Variants in PCDH9 observed in about 807,000 individuals in gnomAD.
PCDH9 encodes the protein protocadherin 9.
A neutral mutation model predicts 70.6 loss-of-function variants in PCDH9; 24 were observed. The observed-to-expected ratio is 0.34, with a 90% CI of 0.25 to 0.48. The LOEUF (loss-of-function observed/expected upper bound fraction) is 0.48, where lower values mean the gene tolerates loss of function less well. Among genes scored for constraint, PCDH9 ranks in the 20% least tolerant of loss-of-function variants. The pLI is 0.99. For missense variants in PCDH9, 1,281 were observed against 1,503.6 expected (o/e 0.85, Z 2.45); for synonymous variants, 562 against 558.5 (o/e 1.01, Z -0.09).
chr13:67,009,209 G>T (rs761599768), intron 2 of PCDH9, among the ~76,000 whole-genome samples: 6 of 151,954 alleles, frequency 3.9e-5, no homozygotes, highest in Non-Finnish European at 7.4e-5. Flanking sequence ...TCTAGAATTT[G>T]CCTTCCCAAC....
At chr13:66,472,991 A>G (rs1471201945) in intron 4 of PCDH9, among the ~76,000 whole-genome samples, 2 of 139,560 alleles carry the variant, frequency 1.4e-5, no homozygotes, top group African/African-American at 5.3e-5. Context: ...GTGATAACTA[A>G]CATGTAAAAC....
intron 3 of PCDH9, among the ~76,000 whole-genome samples, chr13:66,771,290 T>A (rs2079802783): frequency 6.6e-6 from 1 of 152,182 alleles, no homozygotes; most frequent in Admixed American, 6.5e-5. Flanking sequence ...TAGCTTTAGA[T>A]CTATAGGAGA....
At chr13:67,091,385 A>G (rs1313476464) in intron 2 of PCDH9, among the ~76,000 whole-genome samples, 1 of 152,200 alleles carries the variant, frequency 6.6e-6, no homozygotes, top group Non-Finnish European at 1.5e-5. Flanking sequence ...ATTTTGTCAT[A>G]AATTACAAAA....
chr13:66,523,119 T>G (rs1465960862), intron 4 of PCDH9, among the ~76,000 whole-genome samples: 1 of 152,064 alleles, frequency 6.6e-6, no homozygotes, highest in Non-Finnish European at 1.5e-5. Flanking sequence ...CAAGAAAGAA[T>G]CATCAGCATT....
intron 2 of PCDH9, among the ~76,000 whole-genome samples, chr13:67,011,314 T>G (rs941971076): frequency 1.3e-5 from 2 of 151,874 alleles, no homozygotes; most frequent in African/African-American, 4.8e-5. Flanking sequence ...ACAAAAACAT[T>G]ATTCAAATAG....
chr13:66,808,894 T>C (rs1185465333), intron 3 of PCDH9, among the ~76,000 whole-genome samples: 1 of 152,184 alleles, frequency 6.6e-6, no homozygotes, highest in East Asian at 1.9e-4. Context: ...TGTATGTACA[T>C]TATATTTTGA....
At chr13:66,692,724 T>C (rs140801741) in intron 3 of PCDH9, among the ~76,000 whole-genome samples, 403 of 152,184 alleles carry the variant, frequency 2.6e-3, no homozygotes, top group African/African-American at 8.8e-3. Flanking sequence ...TTTAGATTAC[T>C]TTTAATTTTG....
intron 3 of PCDH9, among the ~76,000 whole-genome samples, chr13:66,776,719 G>T (rs985843272): frequency 2.0e-5 from 3 of 151,892 alleles, no homozygotes; most frequent in African/African-American, 7.3e-5. Context: ...GTAATTTACA[G>T]ATTCAATGCC....
chr13:66,822,668 A>G (rs1331793626), intron 3 of PCDH9, among the ~76,000 whole-genome samples: 1 of 151,624 alleles, frequency 6.6e-6, no homozygotes, highest in East Asian at 1.9e-4. Flanking sequence ...TGGGATTACA[A>G]GCATGCGCCA....
At chr13:66,510,812 A>G (rs1363259982) in intron 4 of PCDH9, among the ~76,000 whole-genome samples, 2 of 152,230 alleles carry the variant, frequency 1.3e-5, no homozygotes, top group Non-Finnish European at 2.9e-5. Context: ...TAGTGCCACA[A>G]TAAACATACG....
At chr13:66,529,007 A>G (rs916329150) in intron 4 of PCDH9, among the ~76,000 whole-genome samples, 5 of 152,104 alleles carry the variant, frequency 3.3e-5, no homozygotes. Flanking sequence ...GCAAAGTCTT[A>G]TGGAGATTGA....
chr13:66,516,636 T>A (rs1170852605), intron 4 of PCDH9, among the ~76,000 whole-genome samples: 3 of 152,084 alleles, frequency 2.0e-5, no homozygotes, highest in Admixed American at 1.3e-4. Context: ...TTAGAGACTA[T>A]CAACTATCTT....
chr13:66,663,409 C>T (rs1345719474), intron 3 of PCDH9, among the ~76,000 whole-genome samples: 6 of 152,064 alleles, frequency 3.9e-5, no homozygotes, highest in South Asian at 2.1e-4. Context: ...TAGCACTTTC[C>T]GAGAAGGCCT....
At chr13:66,532,272 C>T (rs950065586) in intron 4 of PCDH9, among the ~76,000 whole-genome samples, 6 of 151,976 alleles carry the variant, frequency 3.9e-5, no homozygotes, top group Middle Eastern at 3.4e-3. Context: ...CCAAAGTGTC[C>T]GGATGATGGG....
chr13:66,540,930 G>C (rs899002063), intron 4 of PCDH9, among the ~76,000 whole-genome samples: 1 of 152,060 alleles, frequency 6.6e-6, no homozygotes, highest in African/African-American at 2.4e-5. Context: ...TGACAGCCTT[G>C]GCTGCTCATT....
chr13:66,970,830 T>G (rs536739364), intron 2 of PCDH9, among the ~76,000 whole-genome samples: 1 of 152,044 alleles, frequency 6.6e-6, no homozygotes, highest in African/African-American at 2.4e-5. Context: ...TACATACAAG[T>G]CACTGAGGGC....
intron 3 of PCDH9, among the ~76,000 whole-genome samples, chr13:66,764,091 G>A (rs999732540): frequency 2.6e-5 from 4 of 151,858 alleles, no homozygotes; most frequent in African/African-American, 4.8e-5. Flanking sequence ...GAGCCACCGC[G>A]CCAGGCCTAT....
intron 4 of PCDH9, among the ~76,000 whole-genome samples, chr13:66,512,247 T>C (rs1959510906): frequency 6.7e-6 from 1 of 149,644 alleles, no homozygotes; most frequent in Admixed American, 6.7e-5. Context: ...AAAAAATTAA[T>C]ATATCTAACA....
chr13:66,491,880 A>G (rs1178538923), intron 4 of PCDH9, among the ~76,000 whole-genome samples: 3 of 152,084 alleles, frequency 2.0e-5, no homozygotes, highest in African/African-American at 7.2e-5. Context: ...AGCTGATTCC[A>G]CATCGCGGGA....
Sources: gnomAD v4.1 joint callset for allele counts (sites outside exome capture counted in the v4.1 genomes callset) on GRCh38, gnomAD v4.1.1 for gene constraint, MANE v1.5 for transcripts, NCBI Gene and HGNC (gene_info 2026-07-23, HGNC 2026-07-21) for gene names.